The following SIGLEC8 variants were observed in gnomAD, a reference collection of about 807,000 sequenced individuals.
SIGLEC8 encodes the protein sialic acid-binding Ig-like lectin 8.
A neutral mutation model predicts 42.1 loss-of-function variants in SIGLEC8; 32 were observed. That is an observed-to-expected ratio of 0.76 (90% CI 0.57 to 1.02). SIGLEC8 has a LOEUF of 1.02. Ranked by LOEUF, SIGLEC8 falls within the 50% of genes least tolerant of loss-of-function variation. The pLI is 0.00. For missense variants in SIGLEC8, 611 were observed against 610.2 expected, an observed-to-expected ratio of 1.00 and a Z score of -0.01; for synonymous variants, 262 against 260.3, an observed-to-expected ratio of 1.01 and a Z score of -0.06.
intron 3 of SIGLEC8, among the ~76,000 whole-genome samples, chr19:51,456,583 T>G (rs929399054): frequency 2.0e-5 from 3 of 152,218 alleles, no homozygotes; most frequent in Non-Finnish European, 2.9e-5. Flanking sequence ...AGTCCATCTG[T>G]GCAGTGAAAT....
intron 3 of SIGLEC8, among the ~76,000 whole-genome samples, chr19:51,456,578 A>C (rs919314577): frequency 3.4e-4 from 52 of 152,232 alleles, no homozygotes; most frequent in African/African-American, 1.2e-3. Context: ...GTCAGAGTCC[A>C]TCTGTGCAGT....
rs375703669 is a variant in SIGLEC8, at chr19:51,453,916, G to A, written c.1245+303C>T. ...AGGGGTCAGGATGGCTGGGGCCAGG[G>A]AGAAGAGATGCCAGCTATTCTTGGG... On this transcript the variant is annotated intron_variant, in intron 6 of 6. Transcript: ENST00000321424. 1,313 of 985,246 alleles carry A rather than the reference G, an allele frequency of 1.3e-3. 2 individuals are homozygous for A. The highest frequency in any genetic ancestry group is 1.5e-3 in the Non-Finnish European group (1,262 of 829,888). The allele number at this position is 985,246 out of a possible 1,614,324, so 61.0% of individuals were successfully genotyped here. A position where few individuals can be genotyped will look rare whatever the true frequency, so the allele number is the denominator to read the frequency against.
chr19:51,457,697 T>C lies in SIGLEC8; in HGVS notation c.497A>G (p.Glu166Gly). 1.2e-6 allele frequency: 2 copies of C among 1,601,126 alleles called. No homozygotes were observed. The highest frequency in any genetic ancestry group is 1.7e-6 in the Non-Finnish European group (2 of 1,174,210). Residue 166 changes from glutamate (E) to glycine (G), a missense_variant, in exon 2 of 7, where the codon GAG (glutamate) becomes GGG (glycine). By Grantham distance (98) the Glu-to-Gly change is moderately conservative. Coordinates refer to ENST00000321424, the MANE Select transcript of SIGLEC8 (RefSeq NM_014442.3). ...GGTCAGGTTCCTGGAGTGGCCAGACTCTAGGGTCCCTAGGATGAGGATGTC... is the reference window on the plus strand; with the variant it reads ...GGTCAGGTTCCTGGAGTGGCCAGACCCTAGGGTCCCTAGGATGAGGATGTC... ...RPDILILGTLESGHSRNLTCS... is the reference protein window; with the variant it reads ...RPDILILGTLGSGHSRNLTCS...
At chr19:51,455,334 C>G in intron 4 of SIGLEC8, 84 bp downstream of exon 4, 3 of 1,535,524 alleles carry the variant, frequency 2.0e-6, no homozygotes, top group Non-Finnish European at 2.6e-6. Flanking sequence ...CAGAGCTGAG[C>G]TCCCCCTTGA....
rs145248142 is a variant in SIGLEC8, at chr19:51,456,479, T to A, written c.781+705A>T. ...GGAATTTATCCCATACACTTAGATA[T>A]TCCTGTGGAAGTAGATACAAGACTA... On this transcript the variant is annotated intron_variant, in intron 3 of 6. Transcript: ENST00000321424. 2.1e-3 allele frequency among the ~76,000 whole-genome samples: 321 copies of A among 152,356 alleles called. 1 individual carries two copies. The highest frequency in any genetic ancestry group is 0.014 in the Middle Eastern group (4 of 294).
chr19:51,452,274 G>T lies in SIGLEC8; in HGVS notation c.*105C>A. On this transcript the variant is annotated 3_prime_UTR_variant, in exon 7 of 7. Transcript: ENST00000321424. ...AGGCAGGGATGGGTCCCTGGTAGCC[G>T]GGGAAAGGGGAGACATTGGTCCAAG... The T allele has an allele frequency of 2.1e-6, 2 of 950,170 alleles. No individual in the cohort carries two copies. Among genetic ancestry groups the T allele is most frequent in the Non-Finnish European group, 3.1e-6 (2 of 640,388 alleles). 58.9% of individuals were successfully genotyped at this position (950,170 alleles called of 1,614,324 possible). A position where few individuals can be genotyped will look rare whatever the true frequency, so the allele number is the denominator to read the frequency against.
In SIGLEC8 at chr19:51,454,680, T is replaced by A; in HGVS notation, c.1148+4A>T. The A allele has an allele frequency of 6.2e-7, 1 of 1,609,974 alleles. No homozygotes were observed. The highest frequency in any genetic ancestry group is 2.2e-5 in the East Asian group (1 of 44,854). ...CTCTCTCCCTCCCCAGGGTCAATGC[T>A]CACATGATGAAGATGATGCAGAAGG... On this transcript the variant is annotated splice_donor_region_variant and intron_variant, in intron 5 of 6. Coordinates refer to ENST00000321424, the MANE Select transcript of SIGLEC8 (RefSeq NM_014442.3). The surrounding 1 kb of genome is among the most constrained non-coding windows in gnomAD (Gnocchi z 4.7).
Position 51,457,226 on chromosome 19 carries a change from G to T in SIGLEC8, c.739C>A (p.Pro247Thr), listed in dbSNP as rs773684144. The T allele has an allele frequency of 1.1e-5, 17 of 1,613,572 alleles. 1 individual carries two copies. In the South Asian group the frequency reaches 1.5e-4, roughly 15 times the overall value. The change falls in exon 3 of 7, where the codon CCT (proline) becomes ACT (threonine). Residue 247 changes from proline to threonine, a missense_variant. Transcript: ENST00000321424. ...AAGACAGTCATGGTCAAGTTCCAAG[G>T]AGGGTCTGGGACAGAAAGACATGAA... ...STVRLDVSYP[P>T]WNLTMTVFQG...
chr19:51,458,105 G>C lies in SIGLEC8; in HGVS notation c.283C>G (p.Arg95Gly), dbSNP rs761248585. 15 of 1,613,992 alleles carry C rather than the reference G, an allele frequency of 9.3e-6. No homozygotes were observed. Among genetic ancestry groups the C allele is most frequent in the African/African-American group, 1.3e-5 (1 of 74,886 alleles). ...CAAATGTCCCCAAGGAGTTGGAATC[G>C]GCCCTGGGTCTCTGCCTGCACTTCT... ...DREVQAETQGRFQLLGDIWSN... is the reference protein window; with the variant it reads ...DREVQAETQGGFQLLGDIWSN... The change falls in exon 1 of 7, where the codon CGA becomes GGA. Residue 95 changes from arginine to glycine, a missense_variant. Physicochemically the swap from Arg to Gly is moderately radical, Grantham distance 125 (BLOSUM62 -2). Coordinates refer to ENST00000321424, the MANE Select transcript of SIGLEC8 (RefSeq NM_014442.3).
At chr19:51,457,080 G>T in intron 3 of SIGLEC8, 104 bp downstream of exon 3, 1 of 1,053,540 alleles carries the variant, frequency 9.5e-7, no homozygotes, top group Non-Finnish European at 1.5e-6. Flanking sequence ...CACGCACAGT[G>T]GCAGCTCTGT....
intron 2 of SIGLEC8, 82 bp downstream of exon 2, chr19:51,457,379 G>A (rs1989519352): frequency 6.4e-7 from 1 of 1,552,644 alleles, no homozygotes; most frequent in Non-Finnish European, 8.8e-7. Flanking sequence ...AGAACCCAGT[G>A]TCCAGGCTTG....
chr19:51,458,355 G>C lies in SIGLEC8; in HGVS notation c.33C>G (p.Leu11=). ...CTCCCTCCATCCCCTTTGTCCCCCA[G>C]AGCAGGGGCAGCAGCAGCAGCAGCA... MLLLLLLLPL[L]WGTKGMEGDR... Residue 11 remains leucine, a synonymous_variant, in exon 1 of 7, where the codon CTC becomes CTG. Transcript: ENST00000321424. 6.2e-7 allele frequency: 1 copy of C among 1,613,684 alleles called. No homozygotes were observed.
chr19:51,454,727 C>T lies in SIGLEC8; in HGVS notation c.1105G>A (p.Ala369Thr), dbSNP rs202164523. Residue 369 changes from alanine to threonine, a missense_variant, in exon 5 of 7, where the codon GCC becomes ACC. Ala to Thr is a moderately conservative substitution (Grantham distance 58, BLOSUM62 0). Transcript: ENST00000321424. This position sits in a 1 kb window ranked among gnomAD's most constrained non-coding sequence, Gnocchi z 4.7. ...AAGGACAGGAAGGCCAGGGCTGTGG[C>T]TCCAGCTCCCCCGACTGCTGCCAGT... ...VTLAAVGGAG[A>T]TALAFLSFCI... 1.9e-6 allele frequency: 3 copies of T among 1,613,822 alleles called. No homozygotes were observed. The highest frequency in any genetic ancestry group is 2.2e-5 in the South Asian group (2 of 91,070).
intron 2 of SIGLEC8, 44 bp downstream of exon 2, chr19:51,457,417 C>G: frequency 1.2e-6 from 2 of 1,609,248 alleles, no homozygotes; most frequent in Non-Finnish European, 1.7e-6. Flanking sequence ...TCAGGAACAC[C>G]TCCCAACCCA....
rs1369885746 is a variant in SIGLEC8, at chr19:51,458,256, A to C, written c.132T>G (p.His44Gln). 6.2e-7 allele frequency: 1 copy of C among 1,614,018 alleles called. No homozygotes were observed. Among genetic ancestry groups the C allele is most frequent in the Non-Finnish European group, 8.5e-7 (1 of 1,180,028 alleles). Residue 44 changes from histidine to glutamine, a missense_variant, in exon 1 of 7, where the codon CAT (histidine) becomes CAG (glutamine). His to Gln is a conservative substitution (Grantham distance 24). Coordinates refer to ENST00000321424, the MANE Select transcript of SIGLEC8 (RefSeq NM_014442.3). ...LVTVQEGLCV[H>Q]VPCSFSYPQD... ...GGGGGTAGGAGAAGGAGCAGGGCAC[A>C]TGGACACACAGGCCCTCCTGCACCG...
chr19:51,457,273 T>G (rs1156554037), intron 2 of SIGLEC8, 42 bp from the exon 3 acceptor site: 1 of 1,583,884 alleles, frequency 6.3e-7, no homozygotes, highest in Non-Finnish European at 8.6e-7. Flanking sequence ...CTATAAGGAC[T>G]GGGGACATTG....
At position 51,457,640 on chromosome 19, in the gene SIGLEC8, GT is replaced by G; in HGVS notation, c.553del (p.Thr185HisfsTer4). ...CCCAATCCAGGAGATCATGGGGGGTGTCCCCTGCTTACAGGCCCAGGGCACA... is the reference window on the plus strand; with the variant it reads ...CCCAATCCAGGAGATCATGGGGGGTGCCCCTGCTTACAGGCCCAGGGCACA... ...CSVPWACKQG[T>X]PPMISWIGAS... On this transcript the variant is annotated frameshift_variant, in exon 2 of 7. Coordinates refer to ENST00000321424, the MANE Select transcript of SIGLEC8 (RefSeq NM_014442.3). LOFTEE classifies it high-confidence loss of function. The G allele has an allele frequency of 6.2e-7, 1 of 1,611,856 alleles. No homozygotes were observed. The highest frequency in any genetic ancestry group is 8.5e-7 in the Non-Finnish European group (1 of 1,178,842).
In SIGLEC8 at chr19:51,452,405, G is replaced by A; in HGVS notation, c.1474C>T (p.Pro492Ser). Reference protein sequence around the residue: ...ETQACLRNHNPSSKEVRG With the variant: ...ETQACLRNHNSSSKEVRG ...CAGCCTCTGACTTCTTTGCTGGAGG[G>A]GTTGTGATTCCTCAAACAGGCCTGA... Residue 492 changes from proline (P) to serine (S), a missense_variant, in exon 7 of 7, where the codon CCC (proline) becomes TCC (serine). Coordinates refer to ENST00000321424, the MANE Select transcript of SIGLEC8 (RefSeq NM_014442.3). 2.5e-6 allele frequency: 4 copies of A among 1,606,850 alleles called. No individual in the cohort carries two copies. The highest frequency in any genetic ancestry group is 3.4e-6 in the Non-Finnish European group (4 of 1,173,906).
Position 51,451,558 on chromosome 19 carries a change from G to C in SIGLEC8, c.*821C>G, listed in dbSNP as rs1262472572. 6.6e-6 allele frequency: 1 copy of C among 152,174 alleles called. No homozygotes were observed. The highest frequency in any genetic ancestry group is 1.5e-5 in the Non-Finnish European group (1 of 68,042). 9.4% of individuals were successfully genotyped at this position (152,174 alleles called of 1,614,324 possible). On this transcript the variant is annotated 3_prime_UTR_variant, in exon 7 of 7. Coordinates refer to ENST00000321424, the MANE Select transcript of SIGLEC8 (RefSeq NM_014442.3). ...CTGATTGCTTGACTCAGTGCTAGATGAGAGAAGAGACCTCAGAATCGGACA... is the reference window on the plus strand; with the variant it reads ...CTGATTGCTTGACTCAGTGCTAGATCAGAGAAGAGACCTCAGAATCGGACA...
Sources: allele counts gnomAD v4.1 joint callset (sites outside exome capture counted in the v4.1 genomes callset), GRCh38; gene constraint gnomAD v4.1.1; non-coding constraint Gnocchi (gnomAD v3.1); transcripts MANE v1.5; gene names NCBI Gene and HGNC (gene_info 2026-07-23, HGNC 2026-07-21).